KIF6: variants seen among roughly 807,000 people sequenced by gnomAD.
The protein encoded by KIF6 is kinesin-like protein KIF6.
A neutral mutation model predicts 112.7 loss-of-function variants in KIF6; 106 were observed. That is an observed-to-expected ratio of 0.94 (90% CI 0.80 to 1.11). The LOEUF is 1.11. Among genes scored for constraint, KIF6 ranks in the 50% least tolerant of loss-of-function variants. The pLI is 0.00. For synonymous variants in KIF6, 339 were observed against 339.9 expected, an observed-to-expected ratio of 1.00 and a Z score of 0.03; for missense variants, 929 against 964.0, an observed-to-expected ratio of 0.96 and a Z score of 0.48.
In KIF6 at chr6:39,335,668, C is replaced by CT. The variant is rs1470499385; in HGVS notation, c.*863dup. On this transcript the variant is annotated 3_prime_UTR_variant, in exon 23 of 23. Transcript: ENST00000287152. ...AGTTCTTCAAGAACCTCCTTGAGGG[C>CT]TGCCCACCTTCCCTTGGATCTGTCA... is the stretch of plus-strand genomic sequence containing the variant. 6.6e-6 allele frequency: 1 copy of CT among 152,126 alleles called. No homozygotes were observed. Among genetic ancestry groups the CT allele is most frequent in the Non-Finnish European group, 1.5e-5 (1 of 68,036 alleles). The allele number at this position is 152,126 out of a possible 1,614,324, so 9.4% of individuals were successfully genotyped here. A position where few individuals can be genotyped will look rare whatever the true frequency, so the allele number is the denominator to read the frequency against.
Position 39,540,112 on chromosome 6 carries a change from G to C in KIF6, c.1536C>G (p.Arg512=). 6.2e-7 allele frequency: 1 copy of C among 1,614,130 alleles called. No individual in the cohort carries two copies. Among genetic ancestry groups the C allele is most frequent in the Non-Finnish European group, 8.5e-7 (1 of 1,179,990 alleles). ...TTTGACCTTCTTCTGGGTTTCCTAG[G>C]CGGAAGGGTGGGCTCTGGGACTGTC... ...EFRQSQSPPF[R]LGNPEEGQRM... The change falls in exon 13 of 23, where the codon CGC becomes CGG. Residue 512 remains arginine (R), a synonymous_variant. Transcript: ENST00000287152.
At chr6:39,429,473 G>C (rs1283221476) in intron 14 of KIF6, among the ~76,000 whole-genome samples, 1 of 152,112 alleles carries the variant, frequency 6.6e-6, no homozygotes, top group Admixed American at 6.5e-5. Context: ...TCTTCCAGGA[G>C]CCTTGCTGTG....
At chr6:39,475,780 T>G (rs1320283732) in intron 13 of KIF6, among the ~76,000 whole-genome samples, 1 of 152,192 alleles carries the variant, frequency 6.6e-6, no homozygotes, top group Non-Finnish European at 1.5e-5. Flanking sequence ...AGTTTTACAC[T>G]TCTTTTGAGG....
chr6:39,469,936 C>T (rs1464074340), intron 13 of KIF6, among the ~76,000 whole-genome samples: 1 of 152,136 alleles, frequency 6.6e-6, no homozygotes, highest in Non-Finnish European at 1.5e-5. Flanking sequence ...ACTTGAACAA[C>T]ACTATATGCC....
At chr6:39,493,942 C>T (rs1775627543) in intron 13 of KIF6, among the ~76,000 whole-genome samples, 1 of 152,138 alleles carries the variant, frequency 6.6e-6, no homozygotes, top group African/African-American at 2.4e-5. Flanking sequence ...CATCTTTTAT[C>T]AAAAATTTCC....
chr6:39,673,648 C>G (rs1487066742), intron 3 of KIF6, among the ~76,000 whole-genome samples: 1 of 152,148 alleles, frequency 6.6e-6, no homozygotes, highest in Admixed American at 6.5e-5. Context: ...ATCCCATTAT[C>G]AGCTGAGAAA....
intron 9 of KIF6, among the ~76,000 whole-genome samples, chr6:39,580,202 C>T (rs368055663): frequency 3.3e-5 from 5 of 152,090 alleles, no homozygotes; most frequent in African/African-American, 7.2e-5. Flanking sequence ...AAATACCTTA[C>T]GTGTCTTTAA....
chr6:39,656,216 G>A (rs1785772726), intron 3 of KIF6, among the ~76,000 whole-genome samples: 1 of 152,148 alleles, frequency 6.6e-6, no homozygotes, highest in Admixed American at 6.5e-5. Flanking sequence ...ACTGGCTGAG[G>A]CCAAGTGGTG....
rs1263125012 is a variant in KIF6, at chr6:39,431,078, C to A, written c.1729G>T (p.Asp577Tyr). The A allele has an allele frequency of 1.4e-5, 23 of 1,612,686 alleles. No individual in the cohort carries two copies. The highest frequency in any genetic ancestry group is 2.0e-5 in the Non-Finnish European group (23 of 1,178,892). ...CTCTGTTTCAGAATCTGTTTGTTGTCATCGATGGTAACGCTGTCAGCGTGG... is the reference window on the plus strand; with the variant it reads ...CTCTGTTTCAGAATCTGTTTGTTGTAATCGATGGTAACGCTGTCAGCGTGG... ...RDHADSVTID[D>Y]NKQILKQRFS... The change falls in exon 14 of 23, where the codon GAC becomes TAC. Residue 577 changes from aspartate to tyrosine, a missense_variant. Around this residue, in one of 2 missense-constraint regions of KIF6, gnomAD observed 241 missense variants for 301.4 expected, o/e 0.80. Transcript: ENST00000287152.
At chr6:39,352,824 G>A (rs1169391266) in intron 19 of KIF6, among the ~76,000 whole-genome samples, 1 of 152,106 alleles carries the variant, frequency 6.6e-6, no homozygotes, top group Non-Finnish European at 1.5e-5. Flanking sequence ...GGCTGCTCTT[G>A]AATTCCTGAC....
At chr6:39,603,487 C>T (rs1223636610) in intron 6 of KIF6, among the ~76,000 whole-genome samples, 1 of 151,828 alleles carries the variant, frequency 6.6e-6, no homozygotes, top group Non-Finnish European at 1.5e-5. Flanking sequence ...GCAGGAGATA[C>T]CTGTCTGCTG....
At chr6:39,501,101 C>T (rs1462225552) in intron 13 of KIF6, among the ~76,000 whole-genome samples, 16 of 152,120 alleles carry the variant, frequency 1.1e-4, no homozygotes, top group South Asian at 4.2e-4. Context: ...AAAAGGGTGA[C>T]GGCTTACTCG....
At chr6:39,390,537 C>A (rs113380476) in intron 15 of KIF6, among the ~76,000 whole-genome samples, 1 of 152,126 alleles carries the variant, frequency 6.6e-6, no homozygotes, top group African/African-American at 2.4e-5. Context: ...GGGACAGGGG[C>A]GGCAAGGGAA....
intron 10 of KIF6, among the ~76,000 whole-genome samples, chr6:39,551,881 C>T (rs909460090): frequency 1.3e-5 from 2 of 152,130 alleles, no homozygotes; most frequent in African/African-American, 2.4e-5. Context: ...ATTAGCTTTA[C>T]GAAATCAGAT....
intron 13 of KIF6, among the ~76,000 whole-genome samples, chr6:39,446,413 C>G (rs1190176681): frequency 6.6e-6 from 1 of 152,202 alleles, no homozygotes; most frequent in Admixed American, 6.5e-5. Context: ...GCCTGGGATA[C>G]AGTAGATGCT....
intron 13 of KIF6, among the ~76,000 whole-genome samples, chr6:39,452,629 G>A (rs72850670): frequency 0.03 from 4,585 of 152,188 alleles, 104 homozygotes; most frequent in Middle Eastern, 0.051. Context: ...ATCAGCTTTC[G>A]CCCTTACCAA....
chr6:39,380,926 C>G lies in KIF6; in HGVS notation c.1861+4696G>C, dbSNP rs533738359. On this transcript the variant is annotated intron_variant, in intron 16 of 22. Transcript: ENST00000287152. ...ATATAACATTTAATTGTAAACTTAT[C>G]TAATTTAATTTTAATAACATCTTTG... Among the ~76,000 whole-genome samples the G allele has an allele frequency of 8.5e-5, 13 of 152,302 alleles. No homozygotes were observed. The South Asian group carries it at 2.3e-3, about 27-fold the overall frequency.
At chr6:39,345,936 T>C in intron 20 of KIF6, 147 bp from the exon 21 acceptor site, 2 of 627,492 alleles carry the variant, frequency 3.2e-6, no homozygotes. Context: ...GTGATGGCAT[T>C]GGGCAGTGGG....
chr6:39,577,410 T>C (rs1343233520), intron 10 of KIF6, among the ~76,000 whole-genome samples: 2 of 152,372 alleles, frequency 1.3e-5, no homozygotes, highest in East Asian at 3.9e-4. Flanking sequence ...CTTCAAAGCC[T>C]GGCCCATTCT....
Sources: gnomAD v4.1 joint callset for allele counts (sites outside exome capture counted in the v4.1 genomes callset) on GRCh38, gnomAD v4.1.1 for gene constraint, gnomAD v4.1.1 regional missense constraint, MANE v1.5 for transcripts, NCBI Gene and HGNC (gene_info 2026-07-23, HGNC 2026-07-21) for gene names.